The following C5 variants were observed in gnomAD, a reference collection of about 807,000 sequenced individuals.
C5 encodes C3 and PZP-like alpha-2-macroglobulin domain-containing protein 4.
C5 carries 140 observed loss-of-function variants against 218.8 expected under a neutral mutation model. That is an observed-to-expected ratio of 0.64 (90% CI 0.56 to 0.74). C5 has a LOEUF of 0.74. Among genes scored for constraint, C5 ranks in the 30% least tolerant of loss-of-function variants. The probability of loss-of-function intolerance (pLI) is 0.00; values close to 1 mark genes in which losing one functional copy is unlikely to be tolerated. For missense variants in C5, 1,700 were observed against 1,969.6 expected (o/e 0.86, Z 2.59); for synonymous variants, 614 against 682.3 (o/e 0.90, Z 1.56).
Position 121,037,953 on chromosome 9 carries a change from T to C in C5, c.422-2A>G, listed in dbSNP as rs774775053. ...TCAACGAATAAACTCTAACTTTTAC[T>C]GTAAGAATAATTGATATAATCAAAA... On this transcript the variant is annotated splice_acceptor_variant, in intron 3 of 40. Coordinates refer to ENST00000223642, the MANE Select transcript of C5 (RefSeq NM_001735.3). LOFTEE classifies it high-confidence loss of function. 1.3e-5 allele frequency: 19 copies of C among 1,429,812 alleles called. No individual in the cohort carries two copies. The highest frequency in any genetic ancestry group is 1.8e-5 in the Non-Finnish European group (19 of 1,031,322). The allele number at this position is 1,429,812 out of a possible 1,614,324, so 88.6% of individuals were successfully genotyped here. A position where few individuals can be genotyped will look rare whatever the true frequency, so the allele number is the denominator to read the frequency against.
chr9:121,018,728 G>A lies in C5; in HGVS notation c.1507-876C>T, dbSNP rs1206501486. The stretch of plus-strand genomic sequence containing the variant: ...AGAAAGAAAAGAAAGAAAGAAAGAA[G>A]GAAGGAAGGAAGGAAAGGAAGGAAG... On this transcript the variant is annotated intron_variant, in intron 12 of 40. Transcript: ENST00000223642. Among the ~76,000 whole-genome samples, 7 of 62,322 alleles carry A rather than the reference G, an allele frequency of 1.1e-4. No homozygotes were observed. The East Asian group carries it at 1.6e-3, about 14-fold the overall frequency. 40.9% of individuals were successfully genotyped at this position (62,322 alleles called of 152,430 possible). A position where few individuals can be genotyped will look rare whatever the true frequency, so the allele number is the denominator to read the frequency against.
intron 2 of C5, among the ~76,000 whole-genome samples, chr9:121,045,880 T>C (rs1016274553): frequency 2.0e-5 from 3 of 152,162 alleles, no homozygotes; most frequent in Non-Finnish European, 4.4e-5. Context: ...TTCTTTCTAA[T>C]AGTAATTTTC....
chr9:121,043,521 C>T (rs1049722552), intron 2 of C5, among the ~76,000 whole-genome samples: 3 of 151,880 alleles, frequency 2.0e-5, no homozygotes, highest in Non-Finnish European at 4.4e-5. Flanking sequence ...CTGACCGATT[C>T]TCTGGACCCT....
At chr9:121,001,192 T>C (rs1267020920) in intron 20 of C5, among the ~76,000 whole-genome samples, 1 of 152,186 alleles carries the variant, frequency 6.6e-6, no homozygotes, top group African/African-American at 2.4e-5. Flanking sequence ...AAGTACTATA[T>C]TTACATGAAT....
At chr9:121,033,115 G>A in intron 5 of C5, among the ~76,000 whole-genome samples, 1 of 151,884 alleles carries the variant, frequency 6.6e-6, no homozygotes, top group East Asian at 1.9e-4. Flanking sequence ...CTACCTTGCA[G>A]ATTGGCTATG....
intron 39 of C5, among the ~76,000 whole-genome samples, chr9:120,956,551 A>C (rs1165349481): frequency 6.6e-6 from 1 of 152,200 alleles, no homozygotes; most frequent in Non-Finnish European, 1.5e-5. Flanking sequence ...AAATTAGAAA[A>C]AAACATTTTA....
At chr9:120,997,808 ATTT>A (rs34704763) in intron 20 of C5, 34 bp from the exon 21 acceptor site, 8 of 1,378,240 alleles carry the variant, frequency 5.8e-6, no homozygotes, top group East Asian at 2.6e-5. Context: ...ATCAAAATAC[ATTT>A]TTTTTTTTTG....
intron 20 of C5, among the ~76,000 whole-genome samples, chr9:121,002,812 G>A (rs2047183256): frequency 6.6e-6 from 1 of 152,104 alleles, no homozygotes; most frequent in South Asian, 2.1e-4. Flanking sequence ...CAACTTTACA[G>A]CTTCTTAATC....
intron 1 of C5, among the ~76,000 whole-genome samples, chr9:121,048,684 ATTGAC>A (rs376443895): frequency 2.6e-4 from 39 of 152,338 alleles, no homozygotes; most frequent in African/African-American, 8.9e-4. Context: ...TTTGGTTCTT[ATTGAC>A]TTATCAGTAG....
the C5 span, among the ~76,000 whole-genome samples, chr9:121,071,370 A>G: frequency 6.6e-6 from 1 of 152,058 alleles, no homozygotes; most frequent in Non-Finnish European, 1.5e-5. Context: ...AAAAACAAAA[A>G]AAAATAAATG....
intron 12 of C5, 129 bp from the exon 13 acceptor site, chr9:121,017,981 A>T (rs2047323013): frequency 3.0e-6 from 2 of 674,398 alleles, no homozygotes; most frequent in Admixed American, 2.2e-5. Flanking sequence ...GGCTGGGCAC[A>T]GTGGCTCACA....
rs748720085 is a variant in C5 at position 121,005,919 on chromosome 9, C to T, written c.2562G>A (p.Gln854=). The T allele has an allele frequency of 5.0e-6, 8 of 1,613,212 alleles. No individual in the cohort carries two copies. In the Admixed American group the frequency reaches 5.0e-5, roughly 10 times the overall value. ...TVYNYRTSGM[Q]FCVKMSAVEG... is the part of the protein sequence containing the mutation. ...CCCATAAATATTAACACCTACTTAC[C>T]TGCATCCCAGAAGTCCTATAGTTGT... Residue 854 remains glutamine (Q), a splice_region_variant and synonymous_variant, in exon 20 of 41, where the codon CAG becomes CAA. Transcript: ENST00000223642.
Position 120,991,248 on chromosome 9 carries a change from T to A in C5, c.2884A>T (p.Arg962Trp). ...TTGGGGACCAAATCTAAGGGTATCC[T>A]GTATGGGAACTCCTTTCGTCTGCTA... is the stretch of plus-strand genomic sequence containing the variant. ...TISRRKEFPYRIPLDLVPKTE... is the reference protein window; with the variant it reads ...TISRRKEFPYWIPLDLVPKTE... Residue 962 changes from arginine to tryptophan, a missense_variant, in exon 23 of 41, where the codon AGG becomes TGG. By Grantham distance (101) the Arg-to-Trp change is moderately radical. Coordinates refer to ENST00000223642, the MANE Select transcript of C5 (RefSeq NM_001735.3). The A allele has an allele frequency of 6.2e-7, 1 of 1,611,530 alleles. No individual in the cohort carries two copies. The highest frequency in any genetic ancestry group is 8.5e-7 in the Non-Finnish European group (1 of 1,177,598).
the C5 span, among the ~76,000 whole-genome samples, chr9:121,070,309 A>G: frequency 0.12 from 17,996 of 149,188 alleles, 1,290 homozygotes; most frequent in East Asian, 0.18. Context: ...GTGAGCTGAG[A>G]TCATGCCATT....
chr9:120,962,383 T>C (rs772590609), intron 36 of C5, among the ~76,000 whole-genome samples: 13 of 152,212 alleles, frequency 8.5e-5, no homozygotes, highest in Non-Finnish European at 1.6e-4. Context: ...GTGAACACCA[T>C]AGATAAACCT....
chr9:121,008,074 T>C (rs1435691331), intron 18 of C5, among the ~76,000 whole-genome samples: 3 of 152,162 alleles, frequency 2.0e-5, no homozygotes, highest in African/African-American at 7.2e-5. Flanking sequence ...TTTATTAATG[T>C]TTGTTTTATA....
chr9:121,008,399 G>A lies in C5; in HGVS notation c.2348+9C>T. 1 of 1,595,626 alleles carries A rather than the reference G, an allele frequency of 6.3e-7. No individual in the cohort carries two copies. Among genetic ancestry groups the A allele is most frequent in the Non-Finnish European group, 8.6e-7 (1 of 1,163,342 alleles). On this transcript the variant is annotated intron_variant, in intron 18 of 40. Transcript: ENST00000223642. ...TTTCTTTCAAGGAAACATGAAAGAAGTATAATACCTTCTGGGAACAAGATG... is the reference window on the plus strand; with the variant it reads ...TTTCTTTCAAGGAAACATGAAAGAAATATAATACCTTCTGGGAACAAGATG...
rs200197404 is a variant in C5, at chr9:120,996,312, G to A, written c.2791-12C>T. ...TTGACACCTTCTGGCTAAAATAAAG[G>A]CAGAAAACATTCAGTTAAAAACATA... On this transcript the variant is annotated splice_polypyrimidine_tract_variant and intron_variant, in intron 21 of 40. Transcript: ENST00000223642. 9.7e-5 allele frequency: 156 copies of A among 1,607,296 alleles called. No individual in the cohort carries two copies. The African/African-American group carries it at 1.7e-3, about 18-fold the overall frequency.
At chr9:121,051,254 C>T (rs984994530), upstream of C5, among the ~76,000 whole-genome samples, 1 of 151,856 alleles carries the variant, frequency 6.6e-6, no homozygotes, top group Admixed American at 6.6e-5. Flanking sequence ...TCCCAAGTAG[C>T]TGGGACTACA....
Sources: allele counts gnomAD v4.1 joint callset (sites outside exome capture counted in the v4.1 genomes callset), GRCh38; gene constraint gnomAD v4.1.1; transcripts MANE v1.5; gene names NCBI Gene and HGNC (gene_info 2026-07-23, HGNC 2026-07-21).